Variants in ITPRIP observed in about 807,000 individuals in gnomAD.
ITPRIP encodes inositol 1,4,5-trisphosphate receptor-interacting protein.
In ITPRIP, 32 loss-of-function variants were observed where a neutral mutation model predicts 35.8. That is an observed-to-expected ratio of 0.89 (90% CI 0.68 to 1.20). The LOEUF (loss-of-function observed/expected upper bound fraction) is 1.20. ITPRIP is among the 50% of genes most tolerant of loss of function. The pLI is 0.00. For synonymous variants in ITPRIP, 358 were observed against 324.0 expected (o/e 1.11, Z -1.13); for missense variants, 653 against 735.6 (o/e 0.89, Z 1.30).
At position 104,326,287 on chromosome 10, in the gene ITPRIP, T is replaced by A. The variant is rs1365233391; in HGVS notation, c.-13-10223A>T. 1 of 152,210 alleles carries A rather than the reference T, an allele frequency of 6.6e-6. No homozygotes were observed. Among genetic ancestry groups the A allele is most frequent in the Non-Finnish European group, 1.5e-5 (1 of 68,066 alleles). 9.4% of individuals were successfully genotyped at this position (152,210 alleles called of 1,614,324 possible). A position where few individuals can be genotyped will look rare whatever the true frequency, so the allele number is the denominator to read the frequency against. On this transcript the variant is annotated intron_variant, in intron 1 of 1. Coordinates refer to ENST00000337478, the MANE Select transcript of ITPRIP (RefSeq NM_001272013.2). This position sits in a 1 kb window ranked among gnomAD's most constrained non-coding sequence, Gnocchi z 4.8. Reference sequence around the variant, plus strand: ...GCTGGCTCTGGGTGGGTGAGCCACATCCTTCCTGTTCCCGCTCCTCCGCCG... The same window carrying A: ...GCTGGCTCTGGGTGGGTGAGCCACAACCTTCCTGTTCCCGCTCCTCCGCCG...
chr10:104,319,069 CAG>C (rs1205347877), intron 1 of ITPRIP, among the ~76,000 whole-genome samples: 2 of 152,246 alleles, frequency 1.3e-5, no homozygotes, highest in African/African-American at 2.4e-5. Context: ...ACCAGGGAAA[CAG>C]GGCACCAGCC....
chr10:104,315,834 G>T lies in ITPRIP; in HGVS notation c.218C>A (p.Ala73Glu). 1 of 1,612,820 alleles carries T rather than the reference G, an allele frequency of 6.2e-7. No homozygotes were observed. ...CTCGTTCTGCTGCCTGCCCTCCTCC[G>T]CCACCTGCTCCAGTGCCTCCTTTTC... Reference protein sequence around the residue: ...AAEKEALEQVAEEGRQQNETR... With the variant: ...AAEKEALEQVEEEGRQQNETR... The change falls in exon 2 of 2, where the codon GCG becomes GAG. Residue 73 changes from alanine to glutamate, a missense_variant. By Grantham distance (107) the Ala-to-Glu change is moderately radical (BLOSUM62 -1). Coordinates refer to ENST00000337478, the MANE Select transcript of ITPRIP (RefSeq NM_001272013.2). This position sits in a 1 kb window ranked among gnomAD's most constrained non-coding sequence, Gnocchi z 5.7.
In ITPRIP at chr10:104,311,661, T is replaced by C. The variant is rs1318399035; in HGVS notation, c.*2747A>G. ...CCAACTCTATTCATTTCACCCTTGT[T>C]ATTTTGCAAAGCAAGTGAGCAGTTG... is the stretch of plus-strand genomic sequence containing the variant. On this transcript the variant is annotated 3_prime_UTR_variant, in exon 2 of 2. Transcript: ENST00000337478. 6.6e-6 allele frequency: 1 copy of C among 152,264 alleles called. No individual in the cohort carries two copies. The highest frequency in any genetic ancestry group is 6.5e-5 in the Admixed American group (1 of 15,282). 9.4% of individuals were successfully genotyped at this position (152,264 alleles called of 1,614,324 possible).
Position 104,315,461 on chromosome 10 carries a change from G to T in ITPRIP, c.591C>A (p.Tyr197Ter). ...GTGGCCTGTCCACCTGCCAGTTCTC[G>T]TACATGCTGTCCACGCCAATGAAGT... ...VEDFIGVDSM[Y>*]ENWQVDRPLL... Residue 197 changes from tyrosine to a stop codon, truncating the protein, a stop_gained, in exon 2 of 2, where the codon TAC becomes TAA. Transcript: ENST00000337478. LOFTEE classifies it high-confidence loss of function. This position sits in a 1 kb window ranked among gnomAD's most constrained non-coding sequence, Gnocchi z 5.7. 1 of 1,612,678 alleles carries T rather than the reference G, an allele frequency of 6.2e-7. No homozygotes were observed. Among genetic ancestry groups the T allele is most frequent in the Non-Finnish European group, 8.5e-7 (1 of 1,179,016 alleles).
intron 1 of ITPRIP, among the ~76,000 whole-genome samples, chr10:104,322,251 C>T (rs557846124): frequency 6.6e-6 from 1 of 152,306 alleles, no homozygotes; most frequent in Admixed American, 6.5e-5. Context: ...CAACCAGGAA[C>T]AGTAGGAGCA....
At chr10:104,324,571 C>T (rs1191199856) in intron 1 of ITPRIP, among the ~76,000 whole-genome samples, 2 of 152,158 alleles carry the variant, frequency 1.3e-5, no homozygotes, top group African/African-American at 4.8e-5. Flanking sequence ...CTGGGCAGGA[C>T]CATCATGTTG....
chr10:104,327,690 T>C (rs937196257), intron 1 of ITPRIP, among the ~76,000 whole-genome samples: 9 of 152,198 alleles, frequency 5.9e-5, no homozygotes, highest in African/African-American at 1.7e-4. Flanking sequence ...CAGGTGGCTC[T>C]GTAGATGCAC....
chr10:104,334,825 C>T (rs960742897), intron 1 of ITPRIP, among the ~76,000 whole-genome samples: 1 of 152,222 alleles, frequency 6.6e-6, no homozygotes, highest in Non-Finnish European at 1.5e-5. Context: ...CGCAGTCCAC[C>T]TTCTGGTCTT....
chr10:104,314,480 G>A lies in ITPRIP; in HGVS notation c.1572C>T (p.Leu524=), dbSNP rs780979059. The A allele has an allele frequency of 1.1e-5, 17 of 1,614,066 alleles. No homozygotes were observed. Among genetic ancestry groups the A allele is most frequent in the Non-Finnish European group, 1.4e-5 (17 of 1,180,046 alleles). The change falls in exon 2 of 2, where the codon CTC becomes CTT. Residue 524 remains leucine (L), a synonymous_variant. Coordinates refer to ENST00000337478, the MANE Select transcript of ITPRIP (RefSeq NM_001272013.2). The part of the protein sequence containing the change: ...RKTLDSFYEM[L]KNAPALISEY... ...CGCTAATGAGCGCTGGGGCATTCTT[G>A]AGCATCTCATAGAAGGAGTCCAGTG...
At position 104,316,074 on chromosome 10, in the gene ITPRIP, G is replaced by A. The variant is rs775498602; in HGVS notation, c.-13-10C>T. The A allele has an allele frequency of 9.7e-6, 15 of 1,539,350 alleles. No individual in the cohort carries two copies. The highest frequency in any genetic ancestry group is 1.9e-5 in the Admixed American group (1 of 51,692). On this transcript the variant is annotated splice_polypyrimidine_tract_variant and intron_variant, in intron 1 of 1. Coordinates refer to ENST00000337478, the MANE Select transcript of ITPRIP (RefSeq NM_001272013.2). ...CATGGTTGGAGCTTTCCTGGGAACA[G>A]AGAGACAGATGGTCACACCAAGCTT...
intron 1 of ITPRIP, among the ~76,000 whole-genome samples, chr10:104,322,179 G>A (rs2013867421): frequency 6.6e-6 from 1 of 152,316 alleles, no homozygotes; most frequent in South Asian, 2.1e-4. Context: ...GGAGATGTCA[G>A]TGTGCAACTC....
chr10:104,311,413 C>T lies in ITPRIP; in HGVS notation c.*2995G>A, dbSNP rs562409606. On this transcript the variant is annotated 3_prime_UTR_variant, in exon 2 of 2. Transcript: ENST00000337478. Reference sequence around the variant, plus strand: ...GAAATCTTTAAAAATCGAGCCTAGCCTGACCACTCCAGACTGGATTCTGAG... The same window carrying T: ...GAAATCTTTAAAAATCGAGCCTAGCTTGACCACTCCAGACTGGATTCTGAG... 1 of 152,332 alleles carries T rather than the reference C, an allele frequency of 6.6e-6. No individual in the cohort carries two copies. The highest frequency in any genetic ancestry group is 1.5e-5 in the Non-Finnish European group (1 of 68,044). 9.4% of individuals were successfully genotyped at this position (152,332 alleles called of 1,614,324 possible). A position where few individuals can be genotyped will look rare whatever the true frequency, so the allele number is the denominator to read the frequency against.
intron 1 of ITPRIP, among the ~76,000 whole-genome samples, chr10:104,335,368 G>C (rs2014215657): frequency 6.6e-6 from 1 of 152,138 alleles, no homozygotes. Context: ...TGGGGATTAG[G>C]GGTTTGGAAG....
rs1315792037 is a variant in ITPRIP at position 104,314,801 on chromosome 10, G to C, written c.1251C>G (p.Ser417=). 2.5e-6 allele frequency: 4 copies of C among 1,613,804 alleles called. No homozygotes were observed. Among genetic ancestry groups the C allele is most frequent in the Non-Finnish European group, 3.4e-6 (4 of 1,180,034 alleles). The change falls in exon 2 of 2, where the codon TCC becomes TCG. Residue 417 remains serine, a synonymous_variant. Coordinates refer to ENST00000337478, the MANE Select transcript of ITPRIP (RefSeq NM_001272013.2). ...TGGGACCGGTCAGGCGGCTCTGCTT[G>C]GAGAGCAGGAAGGATGCTATCTGCA... is the stretch of plus-strand genomic sequence containing the variant. The part of the protein sequence containing the change: ...SCLQIASFLL[S]KQSRLTGPSG...
At chr10:104,317,140 C>T (rs896073879) in intron 1 of ITPRIP, among the ~76,000 whole-genome samples, 1 of 152,204 alleles carries the variant, frequency 6.6e-6, no homozygotes, top group Non-Finnish European at 1.5e-5. Flanking sequence ...TATTCAGACA[C>T]ACTCTCCTGG....
chr10:104,335,551 A>C (rs1416184945), intron 1 of ITPRIP, among the ~76,000 whole-genome samples: 1 of 152,100 alleles, frequency 6.6e-6, no homozygotes, highest in East Asian at 1.9e-4. Context: ...AAGGAAAGTC[A>C]CTTGATTCTT....
At position 104,315,834 on chromosome 10, in the gene ITPRIP, G is replaced by A. The variant is rs200201793; in HGVS notation, c.218C>T (p.Ala73Val). 71 of 1,612,820 alleles carry A rather than the reference G, an allele frequency of 4.4e-5. No individual in the cohort carries two copies. Among genetic ancestry groups the A allele is most frequent in the East Asian group, 2.9e-4 (13 of 44,828 alleles). ...CTCGTTCTGCTGCCTGCCCTCCTCCGCCACCTGCTCCAGTGCCTCCTTTTC... is the reference window on the plus strand; with the variant it reads ...CTCGTTCTGCTGCCTGCCCTCCTCCACCACCTGCTCCAGTGCCTCCTTTTC... Reference protein sequence around the residue: ...AAEKEALEQVAEEGRQQNETR... With the variant: ...AAEKEALEQVVEEGRQQNETR... Residue 73 changes from alanine (A) to valine (V), a missense_variant, in exon 2 of 2, where the codon GCG becomes GTG. Coordinates refer to ENST00000337478, the MANE Select transcript of ITPRIP (RefSeq NM_001272013.2). The surrounding 1 kb of genome is among the most constrained non-coding windows in gnomAD (Gnocchi z 5.7).
chr10:104,311,738 G>T lies in ITPRIP; in HGVS notation c.*2670C>A, dbSNP rs952968161. 7.2e-5 allele frequency: 11 copies of T among 152,180 alleles called. No individual in the cohort carries two copies. The highest frequency in any genetic ancestry group is 1.4e-4 in the African/African-American group (6 of 41,442). The allele number at this position is 152,180 out of a possible 1,614,324, so 9.4% of individuals were successfully genotyped here. On this transcript the variant is annotated 3_prime_UTR_variant, in exon 2 of 2. Coordinates refer to ENST00000337478, the MANE Select transcript of ITPRIP (RefSeq NM_001272013.2). ...AAGAGACTCTGGGGAAAGAGGGCAG[G>T]GTTGTCCTTAGTGGAAAGGCCAAAG...
chr10:104,314,391 A>G lies in ITPRIP; in HGVS notation c.*17T>C. ...GCCCTCATCTTAGCTCGAGGATCCC[A>G]CATTCTGTAAAAGACGTCAGCTTTT... On this transcript the variant is annotated 3_prime_UTR_variant, in exon 2 of 2. Coordinates refer to ENST00000337478, the MANE Select transcript of ITPRIP (RefSeq NM_001272013.2). 2 of 1,593,738 alleles carry G rather than the reference A, an allele frequency of 1.3e-6. No homozygotes were observed. Among genetic ancestry groups the G allele is most frequent in the Non-Finnish European group, 1.7e-6 (2 of 1,167,698 alleles).
Sources: gnomAD v4.1 joint callset for allele counts (sites outside exome capture counted in the v4.1 genomes callset) on GRCh38, gnomAD v4.1.1 for gene constraint, Gnocchi (gnomAD v3.1) non-coding constraint, MANE v1.5 for transcripts, NCBI Gene and HGNC (gene_info 2026-07-23, HGNC 2026-07-21) for gene names.